VAX2: variants seen among roughly 807,000 people sequenced by gnomAD.
VAX2 encodes the protein ventral anterior homeobox 2.
VAX2 carries 8 observed loss-of-function variants against 12.5 expected under a neutral mutation model. The observed-to-expected ratio is 0.64, with a 90% CI of 0.37 to 1.15. The LOEUF (loss-of-function observed/expected upper bound fraction) is 1.15, where lower values mean the gene tolerates loss of function less well. Ranked by LOEUF, VAX2 falls within the 50% of genes most tolerant of loss-of-function variation. The probability of loss-of-function intolerance (pLI) is 0.01; values close to 1 mark genes in which losing one functional copy is unlikely to be tolerated. For synonymous variants in VAX2, 183 were observed against 187.6 expected (o/e 0.98, Z 0.20); for missense variants, 476 against 412.9 (o/e 1.15, Z -1.32).
At chr2:70,902,537 C>A (rs1333541099) in intron 1 of VAX2, among the ~76,000 whole-genome samples, 1 of 152,212 alleles carries the variant, frequency 6.6e-6, no homozygotes, top group Non-Finnish European at 1.5e-5. Flanking sequence ...AGGGGAGGAT[C>A]TAAAGTCACT....
chr2:70,927,075 C>G (rs1257998978), intron 2 of VAX2, among the ~76,000 whole-genome samples: 1 of 152,114 alleles, frequency 6.6e-6, no homozygotes, highest in African/African-American at 2.4e-5. Flanking sequence ...CATGACCCAC[C>G]CTGCTAGTGT....
intron 1 of VAX2, among the ~76,000 whole-genome samples, chr2:70,913,635 C>T (rs1679243567): frequency 6.6e-6 from 1 of 151,874 alleles, no homozygotes; most frequent in African/African-American, 2.4e-5. Context: ...AAGATCACGC[C>T]ACTGCACTCT....
chr2:70,915,380 C>G lies in VAX2; in HGVS notation c.248-5718C>G, dbSNP rs542955528. On this transcript the variant is annotated intron_variant, in intron 1 of 2. Coordinates refer to ENST00000234392, the MANE Select transcript of VAX2 (RefSeq NM_012476.3). ...AAGTAGCTGGATTACAGGTGCCTGC[C>G]ACCGCATCCAGCTAATTTTTGTATT... Among the ~76,000 whole-genome samples the G allele has an allele frequency of 7.2e-5, 11 of 152,222 alleles. No individual in the cohort carries two copies. The East Asian group carries it at 2.1e-3, about 29-fold the overall frequency.
chr2:70,909,297 C>T (rs1389691939), intron 1 of VAX2, among the ~76,000 whole-genome samples: 2 of 151,994 alleles, frequency 1.3e-5, no homozygotes, highest in African/African-American at 4.8e-5. Flanking sequence ...TCTGGAGTAA[C>T]TGAGACTATA....
chr2:70,911,074 C>A (rs1247598597), intron 1 of VAX2, among the ~76,000 whole-genome samples: 1 of 152,126 alleles, frequency 6.6e-6, no homozygotes, highest in African/African-American at 2.4e-5. Flanking sequence ...TGAGTTGAAT[C>A]TTTCCTCCCT....
At chr2:70,914,991 A>G (rs892672959) in intron 1 of VAX2, among the ~76,000 whole-genome samples, 9 of 151,992 alleles carry the variant, frequency 5.9e-5, no homozygotes, top group African/African-American at 1.9e-4. Context: ...AGTAAAGAAG[A>G]GGTTTCACCA....
chr2:70,906,861 G>T (rs1354223031), intron 1 of VAX2, among the ~76,000 whole-genome samples: 1 of 152,136 alleles, frequency 6.6e-6, no homozygotes, highest in African/African-American at 2.4e-5. Context: ...AAGTCGAGGG[G>T]GCGGGCTCCC....
chr2:70,928,858 T>C (rs782755107), intron 2 of VAX2, among the ~76,000 whole-genome samples: 3 of 152,232 alleles, frequency 2.0e-5, no homozygotes, highest in Non-Finnish European at 2.9e-5. Flanking sequence ...CCAGGCGTGA[T>C]GCCAAGCTCC....
chr2:70,921,347 A>G lies in VAX2; in HGVS notation c.435+62A>G, dbSNP rs113532453. On this transcript the variant is annotated intron_variant, in intron 2 of 2. Coordinates refer to ENST00000234392, the MANE Select transcript of VAX2 (RefSeq NM_012476.3). ...TGGCAGCCTGGGAACTCCTGGGGAT[A>G]TGAGGCCCTGTGAGCTGCTACAGGG... is the stretch of plus-strand genomic sequence containing the variant. 1.2e-4 allele frequency: 179 copies of G among 1,485,420 alleles called. 1 individual carries two copies. In the African/African-American group the frequency reaches 2.2e-3, roughly 18 times the overall value. 92.0% of individuals were successfully genotyped at this position (1,485,420 alleles called of 1,614,324 possible).
chr2:70,912,570 G>C (rs1258448216), intron 1 of VAX2, among the ~76,000 whole-genome samples: 3 of 152,176 alleles, frequency 2.0e-5, no homozygotes, highest in African/African-American at 7.2e-5. Context: ...GCTGAGGGAG[G>C]AGAATCGCTT....
rs986598738 is a variant in VAX2, at chr2:70,919,796, A to G, written c.248-1302A>G. The stretch of plus-strand genomic sequence containing the variant: ...GAACCCTAGAGGTCGAGACTGCAGT[A>G]AGCTGAGATGCGCCTCTGCATTACA... On this transcript the variant is annotated intron_variant, in intron 1 of 2. Coordinates refer to ENST00000234392, the MANE Select transcript of VAX2 (RefSeq NM_012476.3). Among the ~76,000 whole-genome samples the G allele has an allele frequency of 2.6e-5, 4 of 152,228 alleles. No individual in the cohort carries two copies. The East Asian group carries it at 7.7e-4, about 29-fold the overall frequency.
At chr2:70,911,428 C>G (rs1250641585) in intron 1 of VAX2, among the ~76,000 whole-genome samples, 2 of 152,152 alleles carry the variant, frequency 1.3e-5, no homozygotes, top group African/African-American at 4.8e-5. Flanking sequence ...TATTTATCAA[C>G]TACGCCAACG....
intron 2 of VAX2, among the ~76,000 whole-genome samples, chr2:70,927,530 C>A (rs782347220): frequency 6.6e-6 from 1 of 150,634 alleles, no homozygotes; most frequent in Non-Finnish European, 1.5e-5. Flanking sequence ...TACACAGATA[C>A]CACTCACCTC....
In VAX2 at chr2:70,933,398, G is replaced by A; in HGVS notation, c.*194G>A. The A allele has an allele frequency of 2.3e-6, 1 of 437,934 alleles. No individual in the cohort carries two copies. The allele number at this position is 437,934 out of a possible 1,614,324, so 27.1% of individuals were successfully genotyped here. A position where few individuals can be genotyped will look rare whatever the true frequency, so the allele number is the denominator to read the frequency against. On this transcript the variant is annotated 3_prime_UTR_variant, in exon 3 of 3. Coordinates refer to ENST00000234392, the MANE Select transcript of VAX2 (RefSeq NM_012476.3). Reference sequence around the variant, plus strand: ...TTGTGTGCGTGAGTGCAGTGTGAGTGTGTGTGTCTCTCACTGAAATAAAAG... The same window carrying A: ...TTGTGTGCGTGAGTGCAGTGTGAGTATGTGTGTCTCTCACTGAAATAAAAG...
At chr2:70,905,784 G>C (rs782407080) in intron 1 of VAX2, among the ~76,000 whole-genome samples, 1 of 152,204 alleles carries the variant, frequency 6.6e-6, no homozygotes, top group Admixed American at 6.5e-5. Flanking sequence ...GGTACCTGGG[G>C]CTACAGGAAA....
At position 70,933,220 on chromosome 2, in the gene VAX2, A is replaced by T. The variant is rs1431197326; in HGVS notation, c.*16A>T. ...TAACACTTAAGACTCCCACCCTGTGACACTGAGTCCCGAGCACAGCACCTT... is the reference window on the plus strand; with the variant it reads ...TAACACTTAAGACTCCCACCCTGTGTCACTGAGTCCCGAGCACAGCACCTT... On this transcript the variant is annotated 3_prime_UTR_variant, in exon 3 of 3. Transcript: ENST00000234392. 2.1e-5 allele frequency: 32 copies of T among 1,502,190 alleles called. No individual in the cohort carries two copies. Among genetic ancestry groups the T allele is most frequent in the Non-Finnish European group, 2.8e-5 (32 of 1,125,170 alleles). 93.1% of individuals were successfully genotyped at this position (1,502,190 alleles called of 1,614,324 possible).
intron 1 of VAX2, among the ~76,000 whole-genome samples, chr2:70,903,616 C>G (rs1260825823): frequency 6.6e-6 from 1 of 152,208 alleles, no homozygotes; most frequent in African/African-American, 2.4e-5. Flanking sequence ...TCTTAAAGGA[C>G]TTGCCAAGAA....
rs375241285 is a variant in VAX2 at position 70,921,277 on chromosome 2, G to A, written c.427G>A (p.Glu143Lys). 2.2e-5 allele frequency: 35 copies of A among 1,608,506 alleles called. No individual in the cohort carries two copies. The highest frequency in any genetic ancestry group is 1.0e-4 in the Admixed American group (6 of 58,850). ...GCTGGCCCGCCAGCTGAACCTCTCCGAGACCCAGGTAAGAGACCAGGGCCA... is the reference window on the plus strand; with the variant it reads ...GCTGGCCCGCCAGCTGAACCTCTCCAAGACCCAGGTAAGAGACCAGGGCCA... ...TELARQLNLS[E>K]TQVKVWFQNR... Residue 143 changes from glutamate (E) to lysine (K), a missense_variant, in exon 2 of 3, where the codon GAG becomes AAG. Coordinates refer to ENST00000234392, the MANE Select transcript of VAX2 (RefSeq NM_012476.3).
intron 1 of VAX2, among the ~76,000 whole-genome samples, chr2:70,917,193 G>A (rs1406786292): frequency 4.0e-5 from 6 of 148,998 alleles, no homozygotes; most frequent in African/African-American, 1.5e-4. Context: ...ATGGTGGCAG[G>A]TGCCTGTAAC....
Sources: allele counts gnomAD v4.1 joint callset (sites outside exome capture counted in the v4.1 genomes callset), GRCh38; gene constraint gnomAD v4.1.1; transcripts MANE v1.5; gene names NCBI Gene and HGNC (gene_info 2026-07-23, HGNC 2026-07-21).